Variants in DNAJB6 observed in about 807,000 individuals in gnomAD.
The protein encoded by DNAJB6 is DnaJ heat shock protein family (Hsp40) member B6.
DNAJB6 carries 16 observed loss-of-function variants against 42.7 expected under a neutral mutation model. The ratio of observed to expected loss-of-function variants is 0.37; its 90% CI spans 0.25 to 0.57. The LOEUF is 0.57. Ranked by LOEUF, DNAJB6 falls within the 20% of genes least tolerant of loss-of-function variation. The pLI, the probability that DNAJB6 is intolerant of heterozygous loss-of-function variation, is 0.74. For missense variants in DNAJB6, 347 were observed against 416.8 expected (o/e 0.83, Z 1.46); for synonymous variants, 170 against 163.5 (o/e 1.04, Z -0.30).
In DNAJB6 at chr7:157,409,787, G is replaced by A. The variant is rs1795905153; in HGVS notation, c.692-8G>A. 1 of 1,522,186 alleles carries A rather than the reference G, an allele frequency of 6.6e-7. No homozygotes were observed. 94.3% of individuals were successfully genotyped at this position (1,522,186 alleles called of 1,614,324 possible). On this transcript the variant is annotated splice_region_variant and splice_polypyrimidine_tract_variant and intron_variant, in intron 8 of 9. Transcript: ENST00000262177. ...CTCACGGCTCTCTCTCTCCCGCTGT[G>A]CCTGCAGGTGTGGCCGACGACGATG...
At chr7:157,415,985 G>C (rs187742799) in intron 9 of DNAJB6, 31 bp from the exon 10 acceptor site, 1 of 1,614,044 alleles carries the variant, frequency 6.2e-7, no homozygotes, top group Admixed American at 1.7e-5. Context: ...GTGCTGTTCC[G>C]TACAGTGTTT....
chr7:157,388,756 C>T (rs1340989860), intron 8 of DNAJB6, among the ~76,000 whole-genome samples: 1 of 152,080 alleles, frequency 6.6e-6, no homozygotes, highest in Admixed American at 6.5e-5. Flanking sequence ...TTTTTAATCC[C>T]TGTTTGGCAT....
In DNAJB6 at chr7:157,348,233, C is replaced by T. The variant is rs1042213748; in HGVS notation, c.-26-10314C>T. On this transcript the variant is annotated intron_variant, in intron 1 of 9. Coordinates refer to ENST00000262177, the MANE Select transcript of DNAJB6 (RefSeq NM_058246.4). The stretch of plus-strand genomic sequence containing the variant: ...TCAGCCTCCTGAGTAGCTGGGATTA[C>T]AGGCGCCCACCACCTTGCCCAGCTA... Among the ~76,000 whole-genome samples the T allele has an allele frequency of 5.3e-5, 8 of 152,028 alleles. No individual in the cohort carries two copies. In the East Asian group the frequency reaches 5.8e-4, roughly 11 times the overall value.
At chr7:157,380,461 T>C (rs1303353722) in intron 5 of DNAJB6, 3 of 152,262 alleles carry the variant, frequency 2.0e-5, no homozygotes, top group Non-Finnish European at 2.9e-5. Context: ...GTTTGCAAAG[T>C]ACCTATGACC....
At chr7:157,346,141 G>C (rs569436741) in intron 1 of DNAJB6, among the ~76,000 whole-genome samples, 5 of 152,224 alleles carry the variant, frequency 3.3e-5, no homozygotes, top group African/African-American at 1.2e-4. Context: ...TCCTCACAGT[G>C]CTGGGCGGGC....
At chr7:157,401,214 A>G (rs1795504181) in intron 8 of DNAJB6, among the ~76,000 whole-genome samples, 1 of 151,728 alleles carries the variant, frequency 6.6e-6, no homozygotes, top group Non-Finnish European at 1.5e-5. Flanking sequence ...TATATAATTT[A>G]TATTTCTTTT....
chr7:157,350,422 G>A (rs1254537128), intron 1 of DNAJB6, among the ~76,000 whole-genome samples: 4 of 152,174 alleles, frequency 2.6e-5, no homozygotes, highest in African/African-American at 2.4e-5. Flanking sequence ...GGACCAAAGG[G>A]TGAAAATTCC....
intron 5 of DNAJB6, among the ~76,000 whole-genome samples, chr7:157,377,739 C>T (rs1421493618): frequency 3.3e-5 from 5 of 152,176 alleles, no homozygotes; most frequent in African/African-American, 7.2e-5. Flanking sequence ...GAAGGATGTT[C>T]GGCTCAATAT....
intron 1 of DNAJB6, among the ~76,000 whole-genome samples, chr7:157,357,899 A>G (rs1799389946): frequency 6.6e-6 from 1 of 152,212 alleles, no homozygotes; most frequent in Admixed American, 6.5e-5. Context: ...CTATCTAATT[A>G]GTGTGGTCAA....
chr7:157,356,047 C>G (rs1270394227), intron 1 of DNAJB6, among the ~76,000 whole-genome samples: 4 of 152,184 alleles, frequency 2.6e-5, no homozygotes, highest in South Asian at 2.1e-4. Flanking sequence ...TTTGGACTTG[C>G]GAGGGCATGT....
At chr7:157,386,576 A>G (rs73505212) in intron 8 of DNAJB6, among the ~76,000 whole-genome samples, 1 of 151,940 alleles carries the variant, frequency 6.6e-6, no homozygotes, top group African/African-American at 2.4e-5. Flanking sequence ...AGTATGTTCT[A>G]GTTTGATGTA....
chr7:157,411,406 G>A (rs2116665037), intron 9 of DNAJB6: 1 of 148,154 alleles, frequency 6.7e-6, no homozygotes, highest in South Asian at 2.2e-4. Flanking sequence ...AGGTTCCCAG[G>A]ATCCCTGCAC....
chr7:157,416,090 A>C lies in DNAJB6; in HGVS notation c.973A>C (p.Asn325His), dbSNP rs1796101318. 7.4e-6 allele frequency: 12 copies of C among 1,613,870 alleles called. No homozygotes were observed. In the East Asian group the frequency reaches 2.7e-4, roughly 36 times the overall value. The part of the protein sequence containing the change: ...ESKKKKSTKG[N>H]H ...GAAGAAGAAGAAGTCGACCAAAGGC[A>C]ATCACTAGACCGGACTTGAGGCACG... Residue 325 changes from asparagine (N) to histidine (H), a missense_variant, in exon 10 of 10, where the codon AAT becomes CAT. Physicochemically the swap from Asn to His is moderately conservative, Grantham distance 68. Coordinates refer to ENST00000262177, the MANE Select transcript of DNAJB6 (RefSeq NM_058246.4).
intron 1 of DNAJB6, among the ~76,000 whole-genome samples, chr7:157,342,012 G>C (rs115461780): frequency 0.014 from 2,137 of 151,722 alleles, 43 homozygotes; most frequent in African/African-American, 0.049. Context: ...GATTACAGGC[G>C]TTCGCCACTA....
chr7:157,397,061 A>ATGTGGACG (rs1801622381), intron 8 of DNAJB6, among the ~76,000 whole-genome samples: 1 of 152,110 alleles, frequency 6.6e-6, no homozygotes, highest in Non-Finnish European at 1.5e-5. Flanking sequence ...CCTCTCACCG[A>ATGTGGACG]TGTGGACGTG....
intron 8 of DNAJB6, among the ~76,000 whole-genome samples, chr7:157,401,734 T>C (rs895935996): frequency 1.1e-4 from 16 of 152,140 alleles, no homozygotes; most frequent in African/African-American, 3.6e-4. Flanking sequence ...CATTACGCAA[T>C]AAAGAGGTTC....
At chr7:157,351,291 C>T (rs1354441346) in intron 1 of DNAJB6, among the ~76,000 whole-genome samples, 1 of 152,058 alleles carries the variant, frequency 6.6e-6, no homozygotes, top group East Asian at 1.9e-4. Context: ...AAGAACTAAG[C>T]CTGACTGTCT....
chr7:157,359,085 CTG>C (rs1181795177), intron 2 of DNAJB6, among the ~76,000 whole-genome samples: 2 of 152,172 alleles, frequency 1.3e-5, no homozygotes, highest in African/African-American at 4.8e-5. Flanking sequence ...GTACCTGCAT[CTG>C]TGTGACCAGG....
intron 5 of DNAJB6, among the ~76,000 whole-genome samples, chr7:157,372,908 T>A (rs1800288521): frequency 6.6e-6 from 1 of 152,130 alleles, no homozygotes; most frequent in South Asian, 2.1e-4. Flanking sequence ...GATGTTGACA[T>A]CATCTCCTTT....
Sources: gnomAD v4.1 joint callset for allele counts (sites outside exome capture counted in the v4.1 genomes callset) on GRCh38, gnomAD v4.1.1 for gene constraint, MANE v1.5 for transcripts, NCBI Gene and HGNC (gene_info 2026-07-23, HGNC 2026-07-21) for gene names.